The following UNC79 variants were observed in gnomAD, a reference collection of about 807,000 sequenced individuals.
UNC79 encodes the protein unc-79 subunit of NALCN channel complex, also known as protein unc-79 homolog.
A neutral mutation model predicts 283.1 loss-of-function variants in UNC79; 37 were observed. The observed-to-expected ratio is 0.13, with a 90% CI of 0.10 to 0.17. UNC79 has a LOEUF of 0.17. Ranked by LOEUF, UNC79 falls within the 10% of genes least tolerant of loss-of-function variation. UNC79 has a pLI of 1.00. For synonymous variants in UNC79, 1,107 were observed against 1,200.2 expected (o/e 0.92, Z 1.61); for missense variants, 2,272 against 3,211.1 (o/e 0.71, Z 7.07).
At chr14:93,494,264 T>G (rs992256400) in intron 5 of UNC79, among the ~76,000 whole-genome samples, 1 of 152,062 alleles carries the variant, frequency 6.6e-6, no homozygotes, top group Non-Finnish European at 1.5e-5. Flanking sequence ...GGGATGGTGC[T>G]AAACCATTCA....
intron 1 of UNC79, among the ~76,000 whole-genome samples, chr14:93,404,283 A>AC (rs2055169430): frequency 6.7e-6 from 1 of 150,214 alleles, no homozygotes; most frequent in Non-Finnish European, 1.5e-5. Flanking sequence ...TCATTTAAAA[A>AC]ATGTGACCCT....
At chr14:93,556,907 A>G (rs1026987423) in intron 14 of UNC79, among the ~76,000 whole-genome samples, 5 of 152,144 alleles carry the variant, frequency 3.3e-5, no homozygotes, top group Admixed American at 6.5e-5. Flanking sequence ...TAAGCCTTTT[A>G]TTCTCCCAAA....
At chr14:93,607,316 T>C (rs1389899641) in intron 26 of UNC79, among the ~76,000 whole-genome samples, 1 of 152,186 alleles carries the variant, frequency 6.6e-6, no homozygotes, top group Non-Finnish European at 1.5e-5. Context: ...TAAACAATAA[T>C]AGGTATGTAA....
At chr14:93,610,090 A>G (rs755541703) in intron 26 of UNC79, among the ~76,000 whole-genome samples, 90 of 152,336 alleles carry the variant, frequency 5.9e-4, no homozygotes, top group Admixed American at 2.4e-3. Flanking sequence ...GGGAAAACTC[A>G]GGGTTGCACA....
At chr14:93,382,498 T>C (rs914373684) in intron 1 of UNC79, among the ~76,000 whole-genome samples, 2 of 152,132 alleles carry the variant, frequency 1.3e-5, no homozygotes, top group East Asian at 1.9e-4. Context: ...CAGGAATATA[T>C]GTATAGTCCC....
At position 93,600,563 on chromosome 14, in the gene UNC79, T is replaced by C. The variant is rs1351991422; in HGVS notation, c.3373-6T>C. 1.9e-6 allele frequency: 3 copies of C among 1,591,804 alleles called. No individual in the cohort carries two copies. Among genetic ancestry groups the C allele is most frequent in the Non-Finnish European group, 2.6e-6 (3 of 1,172,282 alleles). On this transcript the variant is annotated splice_polypyrimidine_tract_variant and splice_region_variant and intron_variant, in intron 24 of 48. Transcript: ENST00000555664. ...TTTTCTTTTTTTTTTTCCTCCTCTT[T>C]CCCAGGGTCTATGTCTTTGTCTTGA...
chr14:93,454,315 G>A (rs1237570734), intron 1 of UNC79, among the ~76,000 whole-genome samples: 2 of 152,134 alleles, frequency 1.3e-5, no homozygotes, highest in African/African-American at 4.8e-5. Flanking sequence ...AAAGTGCTGG[G>A]ATTACAGGCA....
intron 1 of UNC79, among the ~76,000 whole-genome samples, chr14:93,388,163 G>A (rs1426318399): frequency 6.6e-6 from 1 of 151,688 alleles, no homozygotes; most frequent in Non-Finnish European, 1.5e-5. Context: ...CCAGGCCAGA[G>A]TGCAATGGTG....
At chr14:93,434,925 C>G (rs1278344024) in intron 1 of UNC79, among the ~76,000 whole-genome samples, 1 of 151,972 alleles carries the variant, frequency 6.6e-6, no homozygotes, top group African/African-American at 2.4e-5. Context: ...TCCCAGTAAC[C>G]AAAAATATTT....
At chr14:93,623,336 A>C (rs937877359) in intron 30 of UNC79, among the ~76,000 whole-genome samples, 3 of 152,244 alleles carry the variant, frequency 2.0e-5, no homozygotes, top group Admixed American at 2.0e-4. Context: ...GATTGTAGAT[A>C]CTAACCAAAT....
At chr14:93,697,821 G>A (rs2075261004) in intron 47 of UNC79, among the ~76,000 whole-genome samples, 1 of 152,166 alleles carries the variant, frequency 6.6e-6, no homozygotes, top group Admixed American at 6.5e-5. Flanking sequence ...CTACTTGGGA[G>A]GCTGAGGTAG....
At chr14:93,350,080 T>TATTTCTAAA (rs2139910106) in intron 1 of UNC79, among the ~76,000 whole-genome samples, 1 of 152,310 alleles carries the variant, frequency 6.6e-6, no homozygotes, top group African/African-American at 2.4e-5. Flanking sequence ...TGGGAAAATG[T>TATTTCTAAA]ATTTCTAAAA....
At chr14:93,608,855 G>A (rs1460151876) in intron 26 of UNC79, among the ~76,000 whole-genome samples, 1 of 152,174 alleles carries the variant, frequency 6.6e-6, no homozygotes, top group African/African-American at 2.4e-5. Flanking sequence ...CACTTTGACA[G>A]ACATTTATGT....
intron 45 of UNC79, chr14:93,691,337 T>A (rs763293036): frequency 4.6e-6 from 1 of 217,692 alleles, no homozygotes; most frequent in Non-Finnish European, 9.4e-6. Flanking sequence ...GGGCGTGTAT[T>A]CACGTATATC....
chr14:93,477,586 T>G (rs753128821), exon 4 of UNC79: 1 of 1,609,080 alleles, frequency 6.2e-7, no homozygotes, highest in African/African-American at 1.3e-5. Flanking sequence ...TTTATACAAC[T>G]ACATGTTTGC....
chr14:93,534,582 C>T (rs757714848), intron 11 of UNC79, among the ~76,000 whole-genome samples: 1 of 152,152 alleles, frequency 6.6e-6, no homozygotes, highest in Non-Finnish European at 1.5e-5. Context: ...AGCTGAGAGC[C>T]TCAATTAGAC....
chr14:93,482,368 A>T (rs1226351065), intron 4 of UNC79, among the ~76,000 whole-genome samples: 1 of 152,200 alleles, frequency 6.6e-6, no homozygotes, highest in African/African-American at 2.4e-5. Context: ...TCATTAATCT[A>T]TAATTCTGCA....
chr14:93,644,127 A>T (rs985486261), intron 34 of UNC79, among the ~76,000 whole-genome samples: 5 of 152,196 alleles, frequency 3.3e-5, no homozygotes, highest in African/African-American at 1.2e-4. Flanking sequence ...AACTTGGGGC[A>T]TTGTTGTGTG....
intron 14 of UNC79, among the ~76,000 whole-genome samples, chr14:93,547,836 A>AT (rs1304575084): frequency 6.6e-6 from 1 of 151,072 alleles, no homozygotes; most frequent in African/African-American, 2.4e-5. Context: ...ACAAAAAATA[A>AT]AAAAAAAATT....
Sources: allele counts gnomAD v4.1 joint callset (sites outside exome capture counted in the v4.1 genomes callset), GRCh38; gene constraint gnomAD v4.1.1; transcripts MANE v1.5; gene names NCBI Gene and HGNC (gene_info 2026-07-23, HGNC 2026-07-21).